Variants in GSPT1 observed in about 807,000 individuals in gnomAD.
GSPT1 encodes G1 to S phase transition 1, also known as eukaryotic peptide chain release factor GTP-binding subunit ERF3A.
In GSPT1, 20 loss-of-function variants were observed where a neutral mutation model predicts 72.5. The observed-to-expected ratio is 0.28, with a 90% CI of 0.19 to 0.40. The LOEUF (loss-of-function observed/expected upper bound fraction) is 0.40. Among genes scored for constraint, GSPT1 ranks in the 10% least tolerant of loss-of-function variants. The pLI, the probability that GSPT1 is intolerant of heterozygous loss-of-function variation, is 1.00. For synonymous variants in GSPT1, 334 were observed against 293.5 expected, an observed-to-expected ratio of 1.14 and a Z score of -1.41; for missense variants, 580 against 811.9, an observed-to-expected ratio of 0.71 and a Z score of 3.47.
chr16:11,889,802 G>A (rs776352322), intron 6 of GSPT1, among the ~76,000 whole-genome samples: 2 of 151,262 alleles, frequency 1.3e-5, no homozygotes, highest in South Asian at 2.1e-4. Flanking sequence ...CACTGTGCCC[G>A]GCCATTTTTG....
chr16:11,902,971 C>A (rs1228570844), intron 1 of GSPT1, among the ~76,000 whole-genome samples: 1 of 152,032 alleles, frequency 6.6e-6, no homozygotes, highest in African/African-American at 2.4e-5. Context: ...CCCACCTCAG[C>A]CTCCCAAAGT....
At chr16:11,891,012 G>C in intron 6 of GSPT1, 50 bp downstream of exon 6, 1 of 791,056 alleles carries the variant, frequency 1.3e-6, no homozygotes, top group Non-Finnish European at 2.1e-6. Flanking sequence ...CACTAAGTGG[G>C]CATCGTCTCC....
Position 11,886,866 on chromosome 16 carries a change from A to G in GSPT1, c.1023T>C (p.His341=). The stretch of plus-strand genomic sequence containing the variant: ...CACCTGCTGTCTTTGCCAACATTGC[A>G]TGTTCTCTTGTCTGTCCTCCTTTTT... ...GFEKGGQTRE[H]AMLAKTAGVK... is the part of the protein sequence containing the mutation. Residue 341 remains histidine, a synonymous_variant, in exon 8 of 15, where the codon CAT becomes CAC. Transcript: ENST00000434724. The G allele has an allele frequency of 1.2e-6, 2 of 1,613,464 alleles. No homozygotes were observed. Among genetic ancestry groups the G allele is most frequent in the African/African-American group, 1.3e-5 (1 of 75,012 alleles).
chr16:11,907,208 G>A (rs1440019329), intron 1 of GSPT1, among the ~76,000 whole-genome samples: 6 of 152,304 alleles, frequency 3.9e-5, no homozygotes. Context: ...GAAATGCCAT[G>A]GTCCAAGCTC....
chr16:11,909,817 T>C (rs751768320), intron 1 of GSPT1, among the ~76,000 whole-genome samples: 1 of 151,992 alleles, frequency 6.6e-6, no homozygotes, highest in Non-Finnish European at 1.5e-5. Context: ...CTCAGCTACT[T>C]GGGAAGCTGA....
intron 1 of GSPT1, among the ~76,000 whole-genome samples, chr16:11,905,970 G>A (rs2054484156): frequency 6.6e-6 from 1 of 152,218 alleles, no homozygotes; most frequent in Non-Finnish European, 1.5e-5. Flanking sequence ...GTCTCAACAA[G>A]TTGGCATGAT....
chr16:11,896,044 A>G (rs943723945), intron 4 of GSPT1, among the ~76,000 whole-genome samples: 1 of 152,202 alleles, frequency 6.6e-6, no homozygotes, highest in African/African-American at 2.4e-5. Context: ...TTTTTTTCTC[A>G]CAATTCTGGG....
upstream of GSPT1, among the ~76,000 whole-genome samples, chr16:11,916,386 G>T (rs758639419): frequency 9.9e-5 from 15 of 152,166 alleles, no homozygotes; most frequent in Admixed American, 4.6e-4. Context: ...ACAGGCTGGG[G>T]GAAAACGGAC....
chr16:11,878,146 G>C (rs1452005499), intron 11 of GSPT1, among the ~76,000 whole-genome samples: 1 of 152,090 alleles, frequency 6.6e-6, no homozygotes, highest in Non-Finnish European at 1.5e-5. Context: ...ACAGAGTTTT[G>C]CTCTTGTTGC....
intron 4 of GSPT1, 109 bp from the exon 5 acceptor site, chr16:11,895,096 T>G (rs982572264): frequency 2.1e-5 from 15 of 722,374 alleles, no homozygotes; most frequent in South Asian, 1.6e-4. Context: ...CCATATGAAT[T>G]TGGGGCATAA....
chr16:11,876,174 A>G lies in GSPT1; in HGVS notation c.1604T>C (p.Ile535Thr), dbSNP rs898526633. 2.1e-5 allele frequency: 33 copies of G among 1,579,950 alleles called. No homozygotes were observed. Among genetic ancestry groups the G allele is most frequent in the Non-Finnish European group, 2.9e-5 (33 of 1,148,896 alleles). Residue 535 changes from isoleucine to threonine, a missense_variant and splice_region_variant, in exon 13 of 15, where the codon ATA becomes ACA. Around this residue, in one of 6 missense-constraint regions of GSPT1, gnomAD observed 120 missense variants for 242.5 expected, o/e 0.49. Coordinates refer to ENST00000434724, the MANE Select transcript of GSPT1 (RefSeq NM_002094.4). ...CHSGRTFDAQ[I>T]VIIEHKSIIC... ...GATGGATTTGTGCTCTATAATCACTATCTGTCAAACAAACACACACATTCT... is the reference window on the plus strand; with the variant it reads ...GATGGATTTGTGCTCTATAATCACTGTCTGTCAAACAAACACACACATTCT...
Position 11,915,429 on chromosome 16 carries a change from G to A in GSPT1, c.292C>T (p.Pro98Ser), listed in dbSNP as rs1319018758. ...TTATTGGCGGCGCCGCCAACTGGGG[G>A]TGGCGGCGCTGCCGGGCCCCGCAGG... The part of the protein sequence containing the change: ...SFLRGPAAPP[P>S]PVGGAANNHG... Residue 98 changes from proline to serine, a missense_variant, in exon 1 of 15, where the codon CCC (proline) becomes TCC (serine). Around this residue, in one of 6 missense-constraint regions of GSPT1, gnomAD observed 327 missense variants for 298.8 expected, o/e 1.09. Transcript: ENST00000434724. 1 of 1,517,572 alleles carries A rather than the reference G, an allele frequency of 6.6e-7. No homozygotes were observed. The highest frequency in any genetic ancestry group is 8.8e-7 in the Non-Finnish European group (1 of 1,135,244). The allele number at this position is 1,517,572 out of a possible 1,614,324, so 94.0% of individuals were successfully genotyped here.
intron 5 of GSPT1, among the ~76,000 whole-genome samples, 151 bp from the exon 6 acceptor site, chr16:11,891,290 A>G (rs1454768241): frequency 1.4e-5 from 2 of 147,952 alleles, no homozygotes; most frequent in Non-Finnish European, 3.0e-5. Context: ...AAATATATAT[A>G]TAACATATAT....
intron 10 of GSPT1, 80 bp from the exon 11 acceptor site, chr16:11,883,175 C>T (rs994380722): frequency 2.4e-5 from 20 of 825,446 alleles, no homozygotes; most frequent in South Asian, 4.3e-5. Flanking sequence ...TGAAATTCTA[C>T]ACTGCTTATT....
intron 11 of GSPT1, chr16:11,880,088 C>G (rs938461839): frequency 2.6e-5 from 4 of 152,262 alleles, no homozygotes; most frequent in Non-Finnish European, 4.4e-5. Flanking sequence ...TAGAATCATA[C>G]GGTATTTGTC....
chr16:11,885,081 G>GAAAGA (rs2054171542), intron 10 of GSPT1, 100 bp downstream of exon 10: 1 of 637,126 alleles, frequency 1.6e-6, no homozygotes, highest in Non-Finnish European at 2.8e-6. Flanking sequence ...AAAAAAACAA[G>GAAAGA]AAAGAAAAGA....
At chr16:11,900,061 C>T (rs1200491935) in intron 1 of GSPT1, among the ~76,000 whole-genome samples, 2 of 152,086 alleles carry the variant, frequency 1.3e-5, no homozygotes, top group South Asian at 2.1e-4. Context: ...CAGCCAGGCA[C>T]GGTGGCTCAC....
rs1327589686 is a variant in GSPT1, at chr16:11,900,846, T to TTACAA, written c.353-2812_353-2811insTTGTA. On this transcript the variant is annotated intron_variant, in intron 1 of 14. Coordinates refer to ENST00000434724, the MANE Select transcript of GSPT1 (RefSeq NM_002094.4). ...CTATTAGATTTACAATACAGATGGC[T>TTACAA]CCTCAACTTACAATGGATTGTAAGT... 5.4e-4 allele frequency among the ~76,000 whole-genome samples: 82 copies of TTACAA among 152,276 alleles called. No individual in the cohort carries two copies. In the East Asian group the frequency reaches 0.012, roughly 22 times the overall value.
chr16:11,874,454 CTTTTTTTTTTTT>C (rs200991035), intron 14 of GSPT1, among the ~76,000 whole-genome samples: 22 of 95,932 alleles, frequency 2.3e-4, no homozygotes, highest in South Asian at 1.6e-3. Context: ...GCCAAGTTAG[CTTTTTTTTTTTT>C]TTTTTTTTTT....
Sources: allele counts gnomAD v4.1 joint callset (sites outside exome capture counted in the v4.1 genomes callset), GRCh38; gene constraint gnomAD v4.1.1; regional missense constraint gnomAD v4.1.1; transcripts MANE v1.5; gene names NCBI Gene and HGNC (gene_info 2026-07-23, HGNC 2026-07-21).